Variants in LEKR1 observed in about 807,000 individuals in gnomAD.
LEKR1 encodes the protein protein LEKR1.
LEKR1 carries 59 observed loss-of-function variants against 72.4 expected under a neutral mutation model. That is an observed-to-expected ratio of 0.82 (90% confidence interval 0.66 to 1.01). LEKR1 has a LOEUF of 1.01. Ranked by LOEUF, LEKR1 falls within the 50% of genes least tolerant of loss-of-function variation. The probability of loss-of-function intolerance (pLI) is 0.00; values close to 1 mark genes in which losing one functional copy is unlikely to be tolerated. For synonymous variants in LEKR1, 257 were observed against 263.2 expected (o/e 0.98, Z 0.23); for missense variants, 728 against 759.2 (o/e 0.96, Z 0.48).
chr3:156,932,623 G>C (rs1725327788), intron 5 of LEKR1, among the ~76,000 whole-genome samples: 1 of 148,414 alleles, frequency 6.7e-6, no homozygotes, highest in African/African-American at 2.5e-5. Context: ...TGAGGCATGA[G>C]AATTGCTTGA....
intron 3 of LEKR1, among the ~76,000 whole-genome samples, chr3:156,890,681 A>G (rs1720558189): frequency 1.3e-5 from 2 of 152,108 alleles, no homozygotes; most frequent in African/African-American, 4.8e-5. Flanking sequence ...TGGAATCAGT[A>G]AGTTTAATGT....
At chr3:156,840,658 A>AT (rs1334665052) in intron 2 of LEKR1, among the ~76,000 whole-genome samples, 14 of 152,198 alleles carry the variant, frequency 9.2e-5, no homozygotes, top group Non-Finnish European at 2.9e-5. Context: ...CATGCCATCG[A>AT]TTTAACTTGA....
intron 7 of LEKR1, among the ~76,000 whole-genome samples, chr3:156,984,334 A>C (rs1482193410): frequency 1.3e-5 from 2 of 152,228 alleles, no homozygotes; most frequent in Non-Finnish European, 2.9e-5. Flanking sequence ...AAATTTACTT[A>C]AAATGATTTA....
chr3:156,967,345 C>T (rs1210597097), intron 6 of LEKR1, among the ~76,000 whole-genome samples: 2 of 151,890 alleles, frequency 1.3e-5, no homozygotes, highest in African/African-American at 2.4e-5. Context: ...GGAGGAAGTT[C>T]GAACCCATGG....
chr3:156,859,641 A>G (rs1716523640), intron 3 of LEKR1, among the ~76,000 whole-genome samples: 1 of 152,214 alleles, frequency 6.6e-6, no homozygotes, highest in Non-Finnish European at 1.5e-5. Context: ...TTGGTATTAT[A>G]CATTCTAAGG....
intron 2 of LEKR1, among the ~76,000 whole-genome samples, chr3:156,842,132 A>G (rs1255275049): frequency 6.6e-6 from 1 of 152,242 alleles, no homozygotes; most frequent in African/African-American, 2.4e-5. Context: ...ATTGTCTTCC[A>G]CAAAATCAGT....
intron 6 of LEKR1, among the ~76,000 whole-genome samples, chr3:156,958,471 G>C (rs1398531157): frequency 6.6e-6 from 1 of 152,012 alleles, no homozygotes; most frequent in Non-Finnish European, 1.5e-5. Flanking sequence ...GTCCATGAGG[G>C]ACTTTCCTGA....
At chr3:156,883,909 A>G (rs62275243) in intron 3 of LEKR1, among the ~76,000 whole-genome samples, 4,847 of 152,254 alleles carry the variant, frequency 0.032, 116 homozygotes, top group Non-Finnish European at 0.048. Flanking sequence ...GTTGCCATCC[A>G]TCTCATTTCT....
At chr3:156,974,852 A>G (rs987785378) in intron 6 of LEKR1, among the ~76,000 whole-genome samples, 6 of 152,206 alleles carry the variant, frequency 3.9e-5, no homozygotes, top group Middle Eastern at 3.2e-3. Flanking sequence ...GAAAAAGACA[A>G]TTAACACTTC....
chr3:157,014,780 A>T (rs1733176836), intron 10 of LEKR1, among the ~76,000 whole-genome samples: 1 of 152,198 alleles, frequency 6.6e-6, no homozygotes, highest in Admixed American at 6.5e-5. Flanking sequence ...AATGATCTCC[A>T]TTAATAATGT....
chr3:156,844,558 T>C (rs1328737444), intron 2 of LEKR1, among the ~76,000 whole-genome samples: 5 of 152,130 alleles, frequency 3.3e-5, no homozygotes, highest in African/African-American at 9.6e-5. Flanking sequence ...CTGGCAACCA[T>C]TGGTCTGGTC....
intron 5 of LEKR1, among the ~76,000 whole-genome samples, chr3:156,938,146 C>T (rs758953656): frequency 1.3e-5 from 2 of 151,836 alleles, no homozygotes; most frequent in East Asian, 3.9e-4. Flanking sequence ...AACTGTAACA[C>T]ACACACACAC....
At chr3:156,880,690 A>G (rs1007397988) in intron 3 of LEKR1, among the ~76,000 whole-genome samples, 28 of 152,228 alleles carry the variant, frequency 1.8e-4, no homozygotes, top group Non-Finnish European at 3.1e-4. Flanking sequence ...GGGCAGAGAC[A>G]CAACCAAAAA....
At chr3:157,026,831 C>T (rs141367281) in intron 11 of LEKR1, among the ~76,000 whole-genome samples, 5 of 152,244 alleles carry the variant, frequency 3.3e-5, no homozygotes, top group East Asian at 1.9e-4. Flanking sequence ...GCTCTTGTTT[C>T]GTTGTTTTGT....
chr3:157,013,415 A>G (rs1733061331), intron 10 of LEKR1, among the ~76,000 whole-genome samples: 1 of 152,174 alleles, frequency 6.6e-6, no homozygotes, highest in Non-Finnish European at 1.5e-5. Flanking sequence ...TAGTGTTAGC[A>G]TCTGACATAT....
intron 3 of LEKR1, among the ~76,000 whole-genome samples, chr3:156,883,219 G>A (rs925300659): frequency 5.1e-5 from 1 of 19,620 alleles, no homozygotes. Flanking sequence ...GACTTGCATG[G>A]GGCCTGTAGC....
chr3:156,929,174 TA>T (rs1415506754), intron 5 of LEKR1, among the ~76,000 whole-genome samples: 4 of 151,682 alleles, frequency 2.6e-5, no homozygotes, highest in African/African-American at 9.7e-5. Flanking sequence ...TTTTTTTTTT[TA>T]AAGTCAAGAA....
intron 3 of LEKR1, among the ~76,000 whole-genome samples, chr3:156,892,353 G>A (rs1222054174): frequency 2.0e-5 from 3 of 152,160 alleles, no homozygotes; most frequent in Non-Finnish European, 4.4e-5. Context: ...GGGCTCAAGT[G>A]ATACAACTAT....
At chr3:156,870,961 T>C (rs533363929) in intron 3 of LEKR1, among the ~76,000 whole-genome samples, 4 of 151,984 alleles carry the variant, frequency 2.6e-5, no homozygotes, top group African/African-American at 9.7e-5. Flanking sequence ...CTTTTTTTTA[T>C]TATTATTATT....
Sources: gnomAD v4.1 joint callset for allele counts (sites outside exome capture counted in the v4.1 genomes callset) on GRCh38, gnomAD v4.1.1 for gene constraint, MANE v1.5 for transcripts, NCBI Gene and HGNC (gene_info 2026-07-23, HGNC 2026-07-21) for gene names.